Variants in DGKB observed in about 807,000 individuals in gnomAD.
The protein encoded by DGKB is 90 kDa diacylglycerol kinase.
Under a neutral mutation model 114.3 loss-of-function variants are expected in DGKB, and 67 were observed. That is an observed-to-expected ratio of 0.59 (90% CI 0.48 to 0.72). DGKB has a LOEUF of 0.72. DGKB is among the 30% of genes least tolerant of loss of function. DGKB has a pLI of 0.00. For missense variants in DGKB, 907 were observed against 975.2 expected (o/e 0.93, Z 0.93); for synonymous variants, 398 against 323.1 (o/e 1.23, Z -2.49).
intron 17 of DGKB, among the ~76,000 whole-genome samples, chr7:14,596,772 C>T (rs1296577926): frequency 6.6e-6 from 1 of 152,136 alleles, no homozygotes; most frequent in East Asian, 1.9e-4. Context: ...AATACCAATA[C>T]ATATACAGGG....
chr7:14,161,850 C>G (rs1181257326), intron 25 of DGKB, among the ~76,000 whole-genome samples: 2 of 152,044 alleles, frequency 1.3e-5, no homozygotes, highest in Non-Finnish European at 1.5e-5. Flanking sequence ...TTTTTTAAGT[C>G]TCCTCCAAAG....
chr7:14,191,560 A>C (rs1584359899), intron 23 of DGKB: 1 of 192,236 alleles, frequency 5.2e-6, no homozygotes, highest in Non-Finnish European at 1.2e-5. Context: ...AGAATTGGTG[A>C]TTTTGATACT....
chr7:14,931,245 G>A (rs1007045159), intron 1 of DGKB, among the ~76,000 whole-genome samples: 1 of 151,750 alleles, frequency 6.6e-6, no homozygotes, highest in African/African-American at 2.4e-5. Flanking sequence ...CTGAGTATCT[G>A]GGATTACAGG....
intron 4 of DGKB, among the ~76,000 whole-genome samples, chr7:14,739,590 C>T (rs1187456942): frequency 6.6e-6 from 1 of 152,098 alleles, no homozygotes; most frequent in Non-Finnish European, 1.5e-5. Context: ...CCAGATTTAG[C>T]TGAATTAAGA....
intron 2 of DGKB, among the ~76,000 whole-genome samples, chr7:14,796,698 A>AAC (rs886700459): frequency 7.2e-5 from 11 of 152,140 alleles, no homozygotes; most frequent in African/African-American, 2.7e-4. Context: ...AAAAAAAAAA[A>AAC]AAAAGTATTT....
At chr7:14,390,807 TATA>T (rs1193508322) in intron 21 of DGKB, among the ~76,000 whole-genome samples, 1 of 152,188 alleles carries the variant, frequency 6.6e-6, no homozygotes, top group Admixed American at 6.5e-5. Context: ...TAAAGGGAAA[TATA>T]ATTATTTAGA....
intron 17 of DGKB, among the ~76,000 whole-genome samples, chr7:14,597,990 G>A (rs1415358076): frequency 4.6e-5 from 7 of 151,964 alleles, no homozygotes; most frequent in Admixed American, 2.6e-4. Context: ...TAGAAATCAC[G>A]TTTTTGCCAT....
chr7:14,425,081 C>T lies in DGKB; in HGVS notation c.1835+53080G>A, dbSNP rs1033919091. Among the ~76,000 whole-genome samples, 5 of 152,060 alleles carry T rather than the reference C, an allele frequency of 3.3e-5. No homozygotes were observed. The East Asian group carries it at 9.7e-4, about 30-fold the overall frequency. ...AGAACATTAACAATATTGACATTAT[C>T]CCAGAAATTATATAATTAAGAATTG... On this transcript the variant is annotated intron_variant, in intron 21 of 25. Coordinates refer to ENST00000402815, the MANE Select transcript of DGKB (RefSeq NM_001350709.2).
intron 21 of DGKB, among the ~76,000 whole-genome samples, chr7:14,363,553 T>A (rs544476857): frequency 1.3e-5 from 2 of 152,168 alleles, no homozygotes; most frequent in Admixed American, 6.6e-5. Context: ...AAGAAGGCAT[T>A]TGAGCCTGCG....
intron 23 of DGKB, among the ~76,000 whole-genome samples, chr7:14,187,189 T>C (rs868086093): frequency 6.6e-6 from 1 of 152,212 alleles, no homozygotes; most frequent in African/African-American, 2.4e-5. Flanking sequence ...TATAATACCA[T>C]GTGGGGTAAT....
chr7:14,962,638 G>T (rs1376257204), intron 1 of DGKB, among the ~76,000 whole-genome samples: 10 of 111,532 alleles, frequency 9.0e-5, no homozygotes, highest in African/African-American at 4.6e-4. Context: ...GTGTGTGTTT[G>T]TGTGTGTGTG....
At chr7:14,232,342 T>A (rs1792018717) in intron 23 of DGKB, among the ~76,000 whole-genome samples, 1 of 150,346 alleles carries the variant, frequency 6.7e-6, no homozygotes, top group South Asian at 2.1e-4. Flanking sequence ...TGCTCGAAAT[T>A]CCTTGCCCAC....
chr7:14,185,643 C>G (rs951132057), intron 23 of DGKB, among the ~76,000 whole-genome samples: 1 of 152,174 alleles, frequency 6.6e-6, no homozygotes, highest in Non-Finnish European at 1.5e-5. Flanking sequence ...GTCACCAAAA[C>G]AGAATGGTAC....
chr7:14,256,516 T>C (rs935746862), intron 23 of DGKB, among the ~76,000 whole-genome samples: 1 of 152,144 alleles, frequency 6.6e-6, no homozygotes, highest in Non-Finnish European at 1.5e-5. Flanking sequence ...AATGTATGAA[T>C]ACTTGAAGTG....
chr7:14,657,010 G>C (rs536592968), intron 13 of DGKB, among the ~76,000 whole-genome samples: 4 of 151,690 alleles, frequency 2.6e-5, no homozygotes, highest in Non-Finnish European at 5.9e-5. Context: ...CAATGTAACA[G>C]ATAAATGGTT....
At chr7:14,289,902 A>G (rs1801489585) in intron 23 of DGKB, among the ~76,000 whole-genome samples, 1 of 152,182 alleles carries the variant, frequency 6.6e-6, no homozygotes, top group African/African-American at 2.4e-5. Flanking sequence ...AGAGGAAAAA[A>G]CAGTAGCATA....
intron 1 of DGKB, among the ~76,000 whole-genome samples, chr7:14,909,098 TA>T (rs1783854532): frequency 6.6e-6 from 1 of 152,166 alleles, no homozygotes; most frequent in Non-Finnish European, 1.5e-5. Flanking sequence ...TAAATGTCCT[TA>T]AAATTTAACT....
chr7:14,795,610 T>C (rs886127216), intron 2 of DGKB, among the ~76,000 whole-genome samples: 5 of 152,054 alleles, frequency 3.3e-5, no homozygotes, highest in African/African-American at 7.2e-5. Flanking sequence ...AGTCACTGCA[T>C]TGAGAAGCCT....
intron 23 of DGKB, among the ~76,000 whole-genome samples, chr7:14,300,272 T>C (rs1177285434): frequency 6.6e-6 from 1 of 152,140 alleles, no homozygotes; most frequent in African/African-American, 2.4e-5. Context: ...TCATTTTTCC[T>C]ATTTCATTTT....
Sources: allele counts gnomAD v4.1 joint callset (sites outside exome capture counted in the v4.1 genomes callset), GRCh38; gene constraint gnomAD v4.1.1; transcripts MANE v1.5; gene names NCBI Gene and HGNC (gene_info 2026-07-23, HGNC 2026-07-21).